PRRC2B: variants seen among roughly 807,000 people sequenced by gnomAD.
PRRC2B encodes protein PRRC2B.
PRRC2B carries 68 observed loss-of-function variants against 242.3 expected under a neutral mutation model. That is an observed-to-expected ratio of 0.28 (90% CI 0.23 to 0.34). The LOEUF is 0.34. Ranked by LOEUF, PRRC2B falls within the 10% of genes least tolerant of loss-of-function variation. The probability of loss-of-function intolerance (pLI) is 1.00; values close to 1 mark genes in which losing one functional copy is unlikely to be tolerated. For missense variants in PRRC2B, 2,835 were observed against 2,954.8 expected, an observed-to-expected ratio of 0.96 and a Z score of 0.94; for synonymous variants, 1,228 against 1,173.6, an observed-to-expected ratio of 1.05 and a Z score of -0.95.
intron 25 of PRRC2B, 35 bp from the exon 26 acceptor site, chr9:131,486,050 C>T (rs1481614938): frequency 7.2e-6 from 10 of 1,379,372 alleles, no homozygotes; most frequent in South Asian, 1.2e-5. Context: ...GAGGCTTGAT[C>T]CTCTTCTACG....
chr9:131,399,104 C>T (rs564863385), intron 1 of PRRC2B, among the ~76,000 whole-genome samples: 21 of 150,974 alleles, frequency 1.4e-4, no homozygotes, highest in Non-Finnish European at 1.5e-4. Flanking sequence ...GGTGAAACCC[C>T]GTCTCTGCTA....
intron 1 of PRRC2B, among the ~76,000 whole-genome samples, chr9:131,373,955 A>T (rs902902208): frequency 2.0e-5 from 3 of 150,764 alleles, no homozygotes; most frequent in African/African-American, 7.4e-5. Context: ...GCTACTCCGG[A>T]GGCTAAGGCA....
rs1372061840 is a variant in PRRC2B, at chr9:131,380,552, C to T, written c.-56+6821C>T. Among the ~76,000 whole-genome samples the T allele has an allele frequency of 4.7e-5, 7 of 150,404 alleles. No homozygotes were observed. In the East Asian group the frequency reaches 1.2e-3, roughly 25 times the overall value. On this transcript the variant is annotated intron_variant, in intron 1 of 1. Coordinates refer to the PRRC2B transcript ENST00000682525. ...TGAGATTGCGCCATTGCACTCCAGC[C>T]TGCAAAACAGAGCAAAAACTCCGCC... is the stretch of plus-strand genomic sequence containing the variant.
intron 3 of PRRC2B, among the ~76,000 whole-genome samples, chr9:131,434,576 TA>T (rs1838282024): frequency 6.6e-6 from 1 of 152,230 alleles, no homozygotes; most frequent in South Asian, 2.1e-4. Context: ...GCTTCTCTTT[TA>T]GGTAGAAGGA....
intron 1 of PRRC2B, among the ~76,000 whole-genome samples, chr9:131,412,325 T>G (rs1837528505): frequency 6.6e-6 from 1 of 152,216 alleles, no homozygotes; most frequent in African/African-American, 2.4e-5. Flanking sequence ...AACATTTTTT[T>G]TGTGCGTTTC....
In PRRC2B at chr9:131,459,280, G is replaced by C. The variant is rs141927752; in HGVS notation, c.1328G>C (p.Arg443Pro). 9.2e-5 allele frequency: 148 copies of C among 1,613,954 alleles called. No homozygotes were observed. The highest frequency in any genetic ancestry group is 1.2e-4 in the Non-Finnish European group (136 of 1,179,876). The part of the protein sequence containing the change: ...KDWAEAVGAS[R>P]VVRKAPDPQP... Reference sequence around the variant, plus strand: ...TGGGCTGAAGCAGTGGGTGCGTCCCGTGTGGTCCGAAAGGCGCCAGACCCT... The same window carrying C: ...TGGGCTGAAGCAGTGGGTGCGTCCCCTGTGGTCCGAAAGGCGCCAGACCCT... Residue 443 changes from arginine to proline, a missense_variant, in exon 11 of 32, where the codon CGT becomes CCT. Coordinates refer to ENST00000683519, the MANE Select transcript of PRRC2B (RefSeq NM_013318.4).
chr9:131,430,797 TAGTG>T (rs1838141424), intron 2 of PRRC2B, among the ~76,000 whole-genome samples: 1 of 150,670 alleles, frequency 6.6e-6, no homozygotes, highest in Non-Finnish European at 1.5e-5. Context: ...TTCCCCATGT[TAGTG>T]AGGCTGGTCT....
At chr9:131,461,227 C>T (rs956721870) in intron 11 of PRRC2B, among the ~76,000 whole-genome samples, 2 of 152,224 alleles carry the variant, frequency 1.3e-5, no homozygotes, top group Non-Finnish European at 2.9e-5. Flanking sequence ...TCCTTGCCCA[C>T]TCAGATGTCA....
intron 1 of PRRC2B, among the ~76,000 whole-genome samples, chr9:131,406,458 G>A (rs1208384230): frequency 6.6e-6 from 1 of 152,206 alleles, no homozygotes; most frequent in Admixed American, 6.5e-5. Flanking sequence ...AAGGCAGTTT[G>A]TGGGTTCTGG....
chr9:131,408,475 A>G (rs1837425424), intron 1 of PRRC2B, among the ~76,000 whole-genome samples: 2 of 152,194 alleles, frequency 1.3e-5, no homozygotes, highest in Non-Finnish European at 2.9e-5. Context: ...AATGAGGTAG[A>G]TCACTATGTG....
At chr9:131,377,886 G>A (rs1235316348) in intron 1 of PRRC2B, among the ~76,000 whole-genome samples, 2 of 152,170 alleles carry the variant, frequency 1.3e-5, no homozygotes, top group Non-Finnish European at 2.9e-5. Context: ...CTCCTGAGTA[G>A]TTGGGACCAC....
Position 131,446,703 on chromosome 9 carries a change from G to A in PRRC2B, c.855+61G>A. 1.3e-6 allele frequency: 2 copies of A among 1,586,558 alleles called. No homozygotes were observed. The highest frequency in any genetic ancestry group is 1.7e-6 in the Non-Finnish European group (2 of 1,162,180). On this transcript the variant is annotated intron_variant, in intron 7 of 31. Transcript: ENST00000683519. The surrounding 1 kb of genome is among the most constrained non-coding windows in gnomAD (Gnocchi z 4.1). ...AAGTTGGATTGTGTCCAGCAGATAGGTCAAGTGGTTGAATGTCCCCCTTGG... is the reference window on the plus strand; with the variant it reads ...AAGTTGGATTGTGTCCAGCAGATAGATCAAGTGGTTGAATGTCCCCCTTGG...
chr9:131,422,655 A>C (rs1837875471), intron 1 of PRRC2B, among the ~76,000 whole-genome samples: 1 of 152,222 alleles, frequency 6.6e-6, no homozygotes, highest in African/African-American at 2.4e-5. Flanking sequence ...AATTAATTAC[A>C]GGGCAGAGAT....
rs533751136 is a variant in PRRC2B at position 131,398,333 on chromosome 9, G to T, written c.-52+4070G>T. Among the ~76,000 whole-genome samples the T allele has an allele frequency of 3.3e-5, 5 of 152,358 alleles. No homozygotes were observed. The East Asian group carries it at 9.6e-4, about 29-fold the overall frequency. On this transcript the variant is annotated intron_variant, in intron 1 of 31. Transcript: ENST00000683519. ...TCTCAGCTGTACTTGTTGGTTTTCT[G>T]TGTGACCTGAGAAGCATCCTTCGTC...
At chr9:131,397,183 AG>A (rs1235445208) in intron 1 of PRRC2B, among the ~76,000 whole-genome samples, 1 of 152,182 alleles carries the variant, frequency 6.6e-6, no homozygotes, top group African/African-American at 2.4e-5. Context: ...GCCAGGAGAT[AG>A]TCGCTGCCTC....
chr9:131,451,281 C>T (rs770248159), intron 9 of PRRC2B, among the ~76,000 whole-genome samples: 17 of 152,136 alleles, frequency 1.1e-4, no homozygotes, highest in Non-Finnish European at 2.1e-4. Flanking sequence ...CGCCTGTAGT[C>T]CCAGCTACTT....
chr9:131,470,486 C>T (rs1266501416), intron 13 of PRRC2B, among the ~76,000 whole-genome samples: 3 of 152,122 alleles, frequency 2.0e-5, no homozygotes, highest in South Asian at 4.1e-4. Context: ...GGCTGCTGTT[C>T]GGTTCCAGGA....
chr9:131,377,304 G>A (rs1389176659), intron 1 of PRRC2B, among the ~76,000 whole-genome samples: 9 of 152,050 alleles, frequency 5.9e-5, no homozygotes, highest in African/African-American at 1.9e-4. Flanking sequence ...TAGTACAGAC[G>A]GGGTTTCACC....
intron 9 of PRRC2B, among the ~76,000 whole-genome samples, chr9:131,454,639 C>CT (rs61514427): frequency 1.3e-3 from 183 of 142,906 alleles, no homozygotes; most frequent in Middle Eastern, 3.7e-3. Context: ...TTTTCTTTTT[C>CT]TTTTTTTTTT....
Sources: allele counts gnomAD v4.1 joint callset (sites outside exome capture counted in the v4.1 genomes callset), GRCh38; gene constraint gnomAD v4.1.1; non-coding constraint Gnocchi (gnomAD v3.1); transcripts MANE v1.5; gene names NCBI Gene and HGNC (gene_info 2026-07-23, HGNC 2026-07-21).